Variants in ITGB5 observed in about 807,000 individuals in gnomAD.
ITGB5 encodes the protein integrin beta-5.
A neutral mutation model predicts 84.8 loss-of-function variants in ITGB5; 38 were observed. That is an observed-to-expected ratio of 0.45 (90% CI 0.35 to 0.59). The LOEUF (loss-of-function observed/expected upper bound fraction) is 0.59. Ranked by LOEUF, ITGB5 falls within the 20% of genes least tolerant of loss-of-function variation. The pLI is 0.01. For synonymous variants in ITGB5, 393 were observed against 414.4 expected, an observed-to-expected ratio of 0.95 and a Z score of 0.63; for missense variants, 905 against 1,034.5, an observed-to-expected ratio of 0.87 and a Z score of 1.72.
At chr3:124,814,125 G>A (rs1479657848) in intron 8 of ITGB5, among the ~76,000 whole-genome samples, 5 of 152,126 alleles carry the variant, frequency 3.3e-5, no homozygotes, top group African/African-American at 9.7e-5. Context: ...GGAACTAGGG[G>A]CAGAGACCTA....
intron 5 of ITGB5, among the ~76,000 whole-genome samples, chr3:124,838,607 T>A (rs977590010): frequency 2.7e-5 from 4 of 147,070 alleles, no homozygotes; most frequent in African/African-American, 4.9e-5. Context: ...GTCATTAAAA[T>A]TTTTTTTTTT....
intron 8 of ITGB5, among the ~76,000 whole-genome samples, 174 bp downstream of exon 8, chr3:124,817,447 C>A (rs375236411): frequency 4.6e-5 from 7 of 152,146 alleles, no homozygotes; most frequent in Admixed American, 2.0e-4. Flanking sequence ...GGATGGGTTT[C>A]TCCACCCTGA....
Position 124,853,061 on chromosome 3 carries a change from A to C in ITGB5, c.362-4503T>G, listed in dbSNP as rs188316688. 5.5e-3 allele frequency among the ~76,000 whole-genome samples: 841 copies of C among 152,110 alleles called. 3 individuals carry two copies. The highest frequency in any genetic ancestry group is 8.7e-3 in the Non-Finnish European group (590 of 67,978). On this transcript the variant is annotated intron_variant, in intron 3 of 14. Coordinates refer to ENST00000296181, the MANE Select transcript of ITGB5 (RefSeq NM_002213.5). ...CTCAGGTTTCCTGCCTTTGAGTCAA[A>C]AACTCTTAAGACTGATTTTGTTCAA...
chr3:124,773,348 T>G (rs995312175), intron 11 of ITGB5, among the ~76,000 whole-genome samples: 8 of 152,152 alleles, frequency 5.3e-5, no homozygotes, highest in Admixed American at 6.5e-5. Flanking sequence ...AAGCACACAA[T>G]AGTACACTCA....
At chr3:124,838,114 AG>A (rs1381839434) in intron 5 of ITGB5, among the ~76,000 whole-genome samples, 1 of 152,160 alleles carries the variant, frequency 6.6e-6, no homozygotes, top group African/African-American at 2.4e-5. Context: ...AAATGCAACA[AG>A]ACTGGTCATG....
Position 124,773,859 on chromosome 3 carries a change from C to T in ITGB5, c.1747G>A (p.Asp583Asn). ...ATGTCTGTCGAGCAGTTACAGTTGT[C>T]CCCGATGTAACCTGCATGGCACTTG... ...ECKCHAGYIG[D>N]NCNCSTDIST... Residue 583 changes from aspartate (D) to asparagine (N), a missense_variant, in exon 11 of 15, where the codon GAC (aspartate) becomes AAC (asparagine). Asp to Asn is a conservative substitution (Grantham distance 23). This residue lies in a region of ITGB5 where 116 missense variants were observed against 177.0 expected (regional missense o/e 0.66). Transcript: ENST00000296181. 2 of 1,614,188 alleles carry T rather than the reference C, an allele frequency of 1.2e-6. No individual in the cohort carries two copies. The highest frequency in any genetic ancestry group is 1.1e-5 in the South Asian group (1 of 91,076).
rs758468888 is a variant in ITGB5, at chr3:124,796,450, T to C, written c.1631A>G (p.Tyr544Cys). ...SCFESEFGKI[Y>C]GPFCECDNFS... ...GTTGTCGCACTCACAGAAAGGCCCA[T>C]AGATCTTGCCAAACTCGCTCTCGAA... is the stretch of plus-strand genomic sequence containing the variant. Residue 544 changes from tyrosine (Y) to cysteine (C), a missense_variant, in exon 10 of 15, where the codon TAT (tyrosine) becomes TGT (cysteine). Physicochemically the swap from Tyr to Cys is radical, Grantham distance 194. Around this residue, in one of 3 missense-constraint regions of ITGB5, gnomAD observed 656 missense variants for 734.7 expected, o/e 0.89. Transcript: ENST00000296181. The C allele has an allele frequency of 1.1e-5, 18 of 1,614,064 alleles. No homozygotes were observed. Among genetic ancestry groups the C allele is most frequent in the East Asian group, 2.2e-5 (1 of 44,894 alleles).
At chr3:124,892,915 G>A (rs1935031900) in intron 1 of ITGB5, among the ~76,000 whole-genome samples, 2 of 151,956 alleles carry the variant, frequency 1.3e-5, no homozygotes, top group Admixed American at 6.6e-5. Flanking sequence ...TAACATGCAG[G>A]GAGAAAAAGA....
intron 9 of ITGB5, among the ~76,000 whole-genome samples, chr3:124,807,584 TATG>T (rs2064425875): frequency 6.6e-6 from 1 of 152,166 alleles, no homozygotes; most frequent in Non-Finnish European, 1.5e-5. Context: ...TCAACTTCCA[TATG>T]ATATTTTGAA....
At chr3:124,859,124 C>G in intron 3 of ITGB5, 118 bp downstream of exon 3, 1 of 926,666 alleles carries the variant, frequency 1.1e-6, no homozygotes, top group Non-Finnish European at 1.7e-6. Context: ...TCCCCATCAC[C>G]ATCTCGTGGC....
rs36089753 is a variant in ITGB5, at chr3:124,766,242, G to A, written c.2121C>T (p.Thr707=). ...CTCACCTACCTGGCTCCCTGAGGAC[G>A]GTCAGGTTGGACTTCCCACTGGGGA... is the stretch of plus-strand genomic sequence containing the variant. ...VELPSGKSNL[T]VLREPECGNT... is the part of the protein sequence containing the mutation. The change falls in exon 13 of 15, where the codon ACC becomes ACT. Residue 707 remains threonine (T), a synonymous_variant. Coordinates refer to ENST00000296181, the MANE Select transcript of ITGB5 (RefSeq NM_002213.5). 9.2e-5 allele frequency: 148 copies of A among 1,613,888 alleles called. No individual in the cohort carries two copies. Among genetic ancestry groups the A allele is most frequent in the Non-Finnish European group, 1.2e-4 (138 of 1,179,920 alleles).
intron 1 of ITGB5, among the ~76,000 whole-genome samples, chr3:124,898,591 C>T (rs1935154307): frequency 7.8e-6 from 1 of 128,636 alleles, no homozygotes; most frequent in Non-Finnish European, 1.6e-5. Context: ...TTGCAGTGAG[C>T]CAAGATTGTG....
intron 8 of ITGB5, among the ~76,000 whole-genome samples, chr3:124,816,646 C>T (rs1164502135): frequency 6.6e-6 from 1 of 152,076 alleles, no homozygotes; most frequent in Non-Finnish European, 1.5e-5. Flanking sequence ...CTCTGCCTGC[C>T]GTTTGCCTGA....
At chr3:124,882,866 T>C (rs1275799513) in intron 1 of ITGB5, among the ~76,000 whole-genome samples, 1 of 152,180 alleles carries the variant, frequency 6.6e-6, no homozygotes, top group Non-Finnish European at 1.5e-5. Flanking sequence ...CCTTAGGGGA[T>C]GAGTCAAGCC....
At chr3:124,790,837 T>C (rs748462603) in intron 10 of ITGB5, among the ~76,000 whole-genome samples, 2 of 152,180 alleles carry the variant, frequency 1.3e-5, no homozygotes, top group African/African-American at 2.4e-5. Context: ...CATGAGACCT[T>C]ACTCAGAGGT....
upstream of ITGB5, among the ~76,000 whole-genome samples, chr3:124,890,420 C>T (rs913972607): frequency 2.6e-5 from 4 of 151,646 alleles, no homozygotes; most frequent in Middle Eastern, 3.4e-3. Flanking sequence ...TTAGCCAGGA[C>T]GGTCTGGATC....
At chr3:124,800,945 A>T (rs1384531955) in intron 9 of ITGB5, among the ~76,000 whole-genome samples, 1 of 152,204 alleles carries the variant, frequency 6.6e-6, no homozygotes, top group Non-Finnish European at 1.5e-5. Context: ...TCTTGTTATT[A>T]GAACTTCATT....
chr3:124,820,754 T>C (rs1235418650), intron 6 of ITGB5, among the ~76,000 whole-genome samples: 1 of 152,188 alleles, frequency 6.6e-6, no homozygotes, highest in Non-Finnish European at 1.5e-5. Flanking sequence ...TGGTCTATTA[T>C]TATATATCTT....
At chr3:124,837,714 C>T (rs903474892) in intron 5 of ITGB5, among the ~76,000 whole-genome samples, 2 of 152,156 alleles carry the variant, frequency 1.3e-5, no homozygotes, top group African/African-American at 2.4e-5. Flanking sequence ...CCCCTAAATC[C>T]CACAAGTTGA....
Sources: allele counts gnomAD v4.1 joint callset (sites outside exome capture counted in the v4.1 genomes callset), GRCh38; gene constraint gnomAD v4.1.1; regional missense constraint gnomAD v4.1.1; transcripts MANE v1.5; gene names NCBI Gene and HGNC (gene_info 2026-07-23, HGNC 2026-07-21).